Variants in ALKBH6 observed in about 807,000 individuals in gnomAD.
ALKBH6 encodes alkB homolog 6, nucleotide demethylase.
In ALKBH6, 20 loss-of-function variants were observed where a neutral mutation model predicts 25.1. The ratio of observed to expected loss-of-function variants is 0.80; its 90% CI spans 0.56 to 1.16. ALKBH6 has a LOEUF of 1.16. Ranked by LOEUF, ALKBH6 falls within the 50% of genes most tolerant of loss-of-function variation. ALKBH6 has a pLI of 0.00. For synonymous variants in ALKBH6, 156 were observed against 147.5 expected, an observed-to-expected ratio of 1.06 and a Z score of -0.42; for missense variants, 263 against 326.5, an observed-to-expected ratio of 0.81 and a Z score of 1.50.
chr19:36,010,797 G>T lies in ALKBH6; in HGVS notation c.336+97C>A. 6.4e-7 allele frequency: 1 copy of T among 1,571,730 alleles called. No homozygotes were observed. Among genetic ancestry groups the T allele is most frequent in the South Asian group, 1.1e-5 (1 of 90,162 alleles). On this transcript the variant is annotated intron_variant, in intron 5 of 6. Transcript: ENST00000378875. The surrounding 1 kb of genome is among the most constrained non-coding windows in gnomAD (Gnocchi z 5.5). The stretch of plus-strand genomic sequence containing the variant: ...GGAGGTGAATGCCTGTTTGGGAGAT[G>T]TGGCTGCCTAATGAGTGAGGGTGGG...
chr19:36,012,776 A>G (rs1871872589), intron 3 of ALKBH6: 2 of 499,394 alleles, frequency 4.0e-6, no homozygotes, highest in Non-Finnish European at 7.3e-6. Context: ...AAATCTGAAT[A>G]CAAAATTCTT....
At position 36,013,471 on chromosome 19, in the gene ALKBH6, C is replaced by T. The variant is rs767963016; in HGVS notation, c.-25-49G>A. ...GAAGTCACTAGGCCTCCCGCCCTAA[C>T]ACCATGATGCAGCATTCCACCCCAT... On this transcript the variant is annotated intron_variant, in intron 1 of 6. Transcript: ENST00000378875. The surrounding 1 kb of genome is among the most constrained non-coding windows in gnomAD (Gnocchi z 4.6). 9 of 1,608,488 alleles carry T rather than the reference C, an allele frequency of 5.6e-6. 1 individual carries two copies. The East Asian group carries it at 1.8e-4, about 32-fold the overall frequency.
chr19:36,009,452 G>T lies in ALKBH6; in HGVS notation c.555C>A (p.Ala185=), dbSNP rs752416384. 1.1e-5 allele frequency: 14 copies of T among 1,246,548 alleles called. No individual in the cohort carries two copies. The highest frequency in any genetic ancestry group is 4.2e-5 in the Admixed American group (1 of 24,016). The allele number at this position is 1,246,548 out of a possible 1,614,324, so 77.2% of individuals were successfully genotyped here. The part of the protein sequence containing the change: ...PAYTRLLHGI[A]AARVDALDAA... ...CGTCCAGCGCGTCTACGCGGGCGGC[G>T]GCGATGCCGTGGAGAAGACGCGTGT... The change falls in exon 7 of 7, where the codon GCC becomes GCA. Residue 185 remains alanine (A), a synonymous_variant. Transcript: ENST00000378875.
At position 36,010,585 on chromosome 19, in the gene ALKBH6, G is replaced by A. The variant is rs774016223; in HGVS notation, c.435C>T (p.Asp145=). The stretch of plus-strand genomic sequence containing the variant: ...GGCCCACCTGTTCTGTAGGGTCATC[G>A]TCCTCTGGCCGCCGCGGCTCGTAGA... ...LDFYEPRRPE[D]DDPTEQPRPP... The change falls in exon 6 of 7, where the codon GAC becomes GAT. Residue 145 remains aspartate (D), a synonymous_variant. Transcript: ENST00000378875. The surrounding 1 kb of genome is among the most constrained non-coding windows in gnomAD (Gnocchi z 5.5). 6.2e-6 allele frequency: 10 copies of A among 1,613,886 alleles called. No individual in the cohort carries two copies. Among genetic ancestry groups the A allele is most frequent in the South Asian group, 1.1e-5 (1 of 91,076 alleles).
In ALKBH6 at chr19:36,011,511, A is replaced by G. The variant is rs747014083; in HGVS notation, c.124-47T>C. ...ACTCCTTTCTCAGGATCACCCCTCTATGATCCTCCCACCTAGACCAACATA... is the reference window on the plus strand; with the variant it reads ...ACTCCTTTCTCAGGATCACCCCTCTGTGATCCTCCCACCTAGACCAACATA... On this transcript the variant is annotated intron_variant, in intron 3 of 6. Coordinates refer to ENST00000378875, the MANE Select transcript of ALKBH6 (RefSeq NM_032878.5). 14 of 1,594,982 alleles carry G rather than the reference A, an allele frequency of 8.8e-6. No individual in the cohort carries two copies. The Admixed American group carries it at 1.7e-4, about 19-fold the overall frequency.
At chr19:36,011,373 A>T in intron 4 of ALKBH6, 31 bp downstream of exon 4, 2 of 1,609,274 alleles carry the variant, frequency 1.2e-6, no homozygotes, top group Non-Finnish European at 1.7e-6. Flanking sequence ...ACATCCCAGA[A>T]TCACTCCTGC....
rs3204366 is a variant in ALKBH6, at chr19:36,010,655, G to C, written c.365C>G (p.Pro122Arg). 4 of 1,613,988 alleles carry C rather than the reference G, an allele frequency of 2.5e-6. No homozygotes were observed. The highest frequency in any genetic ancestry group is 3.4e-6 in the Non-Finnish European group (4 of 1,179,928). Residue 122 changes from proline to arginine, a missense_variant, in exon 6 of 7, where the codon CCG becomes CGG. Coordinates refer to ENST00000378875, the MANE Select transcript of ALKBH6 (RefSeq NM_032878.5). The surrounding 1 kb of genome is among the most constrained non-coding windows in gnomAD (Gnocchi z 5.5). The part of the protein sequence containing the change: ...MPHEDGPLYY[P>R]TVSTISLGSH... ...GCCCAGGCTGATGGTGCTGACAGTC[G>C]GGTAGTACAGTGGTCCGTCCTCGTG... is the stretch of plus-strand genomic sequence containing the variant.
At chr19:36,009,596 G>T in intron 6 of ALKBH6, 43 bp from the exon 7 acceptor site, 2 of 1,146,770 alleles carry the variant, frequency 1.7e-6, no homozygotes, top group Admixed American at 4.2e-5. Flanking sequence ...AGAAGTCGGG[G>T]GGTGGGGGTG....
At chr19:36,012,751 G>A (rs956365584) in intron 3 of ALKBH6, 3 of 442,968 alleles carry the variant, frequency 6.8e-6, no homozygotes, top group African/African-American at 2.0e-5. Context: ...AGTTTACTGG[G>A]CTATCTCAGC....
At chr19:36,011,324 G>A in intron 4 of ALKBH6, 80 bp downstream of exon 4, 2 of 1,534,002 alleles carry the variant, frequency 1.3e-6, no homozygotes, top group South Asian at 1.2e-5. Flanking sequence ...ACCCTCTGAT[G>A]TCTTAAGTCT....
chr19:36,009,408 T>A lies in ALKBH6; in HGVS notation c.599A>T (p.Asn200Ile). Residue 200 changes from asparagine to isoleucine, a missense_variant, in exon 7 of 7, where the codon AAT becomes ATT. This residue lies in a region of ALKBH6 where 148 missense variants were observed against 157.5 expected (regional missense o/e 0.94). Transcript: ENST00000378875. ...DALDAASSPP[N>I]AAACPSARPG... ...CCGCGCCGACGGGCAGGCTGCCGCA[T>A]TGGGCGGCGAGGAGGCGGCGTCCAG... 1 of 1,249,256 alleles carries A rather than the reference T, an allele frequency of 8.0e-7. No individual in the cohort carries two copies. The highest frequency in any genetic ancestry group is 1.0e-6 in the Non-Finnish European group (1 of 998,264). 77.4% of individuals were successfully genotyped at this position (1,249,256 alleles called of 1,614,324 possible).
In ALKBH6 at chr19:36,010,801, C is replaced by T; in HGVS notation, c.336+93G>A. On this transcript the variant is annotated intron_variant, in intron 5 of 6. Coordinates refer to ENST00000378875, the MANE Select transcript of ALKBH6 (RefSeq NM_032878.5). This position sits in a 1 kb window ranked among gnomAD's most constrained non-coding sequence, Gnocchi z 5.5. ...GTGAATGCCTGTTTGGGAGATGTGG[C>T]TGCCTAATGAGTGAGGGTGGGTACA... is the stretch of plus-strand genomic sequence containing the variant. 6.3e-7 allele frequency: 1 copy of T among 1,575,374 alleles called. No homozygotes were observed. Among genetic ancestry groups the T allele is most frequent in the Non-Finnish European group, 8.7e-7 (1 of 1,146,136 alleles).
Position 36,013,129 on chromosome 19 carries a change from C to A in ALKBH6, c.55-40G>T. ...CCCCCTGAAGGTGTGGCCCTTCAAC[C>A]CACACAGAGGACATATCATCACAGA... On this transcript the variant is annotated intron_variant, in intron 2 of 6. Transcript: ENST00000378875. The surrounding 1 kb of genome is among the most constrained non-coding windows in gnomAD (Gnocchi z 4.6). The A allele has an allele frequency of 6.3e-7, 1 of 1,575,102 alleles. No homozygotes were observed. Among genetic ancestry groups the A allele is most frequent in the Non-Finnish European group, 8.7e-7 (1 of 1,144,734 alleles).
rs1418804279 is a variant in ALKBH6 at position 36,010,450 on chromosome 19, G to A, written c.453+117C>T. 11 of 882,676 alleles carry A rather than the reference G, an allele frequency of 1.2e-5. No homozygotes were observed. The African/African-American group carries it at 1.3e-4, about 11-fold the overall frequency. 54.7% of individuals were successfully genotyped at this position (882,676 alleles called of 1,614,324 possible). On this transcript the variant is annotated intron_variant, in intron 6 of 6. Transcript: ENST00000378875. This position sits in a 1 kb window ranked among gnomAD's most constrained non-coding sequence, Gnocchi z 5.5. ...TGGGTACACCCCATGAGGGGACAAG[G>A]GAAGGTATCTGGGAGAGTGCCAGGA... is the stretch of plus-strand genomic sequence containing the variant.
chr19:36,012,854 G>A lies in ALKBH6; in HGVS notation c.123+167C>T, dbSNP rs1391452063. On this transcript the variant is annotated intron_variant, in intron 3 of 6. Transcript: ENST00000378875. ...ATGTTTATAACCCCCTATTCTCTAA[G>A]CTAGCAGGATTGGGCTATCTCAGTA... 24 of 687,806 alleles carry A rather than the reference G, an allele frequency of 3.5e-5. No homozygotes were observed. In the East Asian group the frequency reaches 6.1e-4, roughly 18 times the overall value. The allele number at this position is 687,806 out of a possible 1,614,324, so 42.6% of individuals were successfully genotyped here.
intron 3 of ALKBH6, 89 bp downstream of exon 3, chr19:36,012,932 G>GC (rs1244241798): frequency 3.8e-6 from 5 of 1,329,916 alleles, no homozygotes; most frequent in Non-Finnish European, 4.3e-6. Flanking sequence ...GGTCTTCACT[G>GC]CAGCCTTGGG....
chr19:36,010,252 G>T lies in ALKBH6; in HGVS notation c.453+315C>A. ...CTGAGCAGGGGCAGATAGAGCATCTGGGAGGAGGTGAGGCCCCCCGAGTTA... is the reference window on the plus strand; with the variant it reads ...CTGAGCAGGGGCAGATAGAGCATCTTGGAGGAGGTGAGGCCCCCCGAGTTA... On this transcript the variant is annotated intron_variant, in intron 6 of 6. Coordinates refer to ENST00000378875, the MANE Select transcript of ALKBH6 (RefSeq NM_032878.5). The surrounding 1 kb of genome is among the most constrained non-coding windows in gnomAD (Gnocchi z 5.5). The T allele has an allele frequency of 3.0e-6, 1 of 334,900 alleles. No individual in the cohort carries two copies. Among genetic ancestry groups the T allele is most frequent in the Non-Finnish European group, 5.6e-6 (1 of 179,050 alleles). The allele number at this position is 334,900 out of a possible 1,614,324, so 20.7% of individuals were successfully genotyped here. A position where few individuals can be genotyped will look rare whatever the true frequency, so the allele number is the denominator to read the frequency against.
In ALKBH6 at chr19:36,010,393, G is replaced by A. The variant is rs1968564368; in HGVS notation, c.453+174C>T. 3 of 666,986 alleles carry A rather than the reference G, an allele frequency of 4.5e-6. No homozygotes were observed. The highest frequency in any genetic ancestry group is 8.0e-6 in the Non-Finnish European group (3 of 372,742). 41.3% of individuals were successfully genotyped at this position (666,986 alleles called of 1,614,324 possible). The stretch of plus-strand genomic sequence containing the variant: ...TCATGGCATGTGGGACAGACACCCT[G>A]TAAGCAGATGGGTTGGGTGTCTGGG... On this transcript the variant is annotated intron_variant, in intron 6 of 6. Transcript: ENST00000378875. This position sits in a 1 kb window ranked among gnomAD's most constrained non-coding sequence, Gnocchi z 5.5.
At chr19:36,012,314 G>T (rs917485035) in intron 3 of ALKBH6, 1 of 152,194 alleles carries the variant, frequency 6.6e-6, no homozygotes, top group Non-Finnish European at 1.5e-5. Flanking sequence ...CCACTGCCAA[G>T]ATCCTAATGA....
Sources: gnomAD v4.1 joint callset for allele counts on GRCh38, gnomAD v4.1.1 for gene constraint, gnomAD v4.1.1 regional missense constraint, Gnocchi (gnomAD v3.1) non-coding constraint, MANE v1.5 for transcripts, NCBI Gene and HGNC (gene_info 2026-07-23, HGNC 2026-07-21) for gene names.